The following PTPRD variants were observed in gnomAD, a reference collection of about 807,000 sequenced individuals.
PTPRD encodes protein tyrosine phosphatase receptor type D, also known as receptor-type tyrosine-protein phosphatase delta.
Under a neutral mutation model 214.5 loss-of-function variants are expected in PTPRD, and 34 were observed. The observed-to-expected ratio is 0.16, with a 90% CI of 0.12 to 0.21. The LOEUF (loss-of-function observed/expected upper bound fraction) is 0.21. Among genes scored for constraint, PTPRD ranks in the 10% least tolerant of loss-of-function variants. PTPRD has a pLI of 1.00. For synonymous variants in PTPRD, 1,128 were observed against 845.7 expected (o/e 1.33, Z -5.79); for missense variants, 2,545 against 2,398.7 (o/e 1.06, Z -1.27).
chr9:8,972,925 C>T (rs2381933), intron 11 of PTPRD, among the ~76,000 whole-genome samples: 77,701 of 150,912 alleles, frequency 0.51, 20,353 homozygotes, highest in East Asian at 0.76. Flanking sequence ...GTTTTAGAGA[C>T]GTTTAATAGA....
chr9:9,077,695 TG>T (rs1569531251), intron 10 of PTPRD, among the ~76,000 whole-genome samples: 1 of 152,000 alleles, frequency 6.6e-6, no homozygotes. Context: ...ATCACTTTAC[TG>T]GGGGAGGGAG....
chr9:9,915,186 C>A (rs4461956), intron 5 of PTPRD, among the ~76,000 whole-genome samples: 91,749 of 151,930 alleles, frequency 0.6, 29,491 homozygotes, highest in Non-Finnish European at 0.74. Flanking sequence ...AATGAAGGCC[C>A]ACACACCCTA....
intron 11 of PTPRD, among the ~76,000 whole-genome samples, chr9:8,996,138 T>A (rs1411796043): frequency 6.6e-6 from 1 of 152,072 alleles, no homozygotes; most frequent in South Asian, 2.1e-4. Flanking sequence ...AGAAGAAAAC[T>A]TAGGTTCTCA....
chr9:9,798,264 G>A (rs944595439), intron 5 of PTPRD, among the ~76,000 whole-genome samples: 2 of 152,170 alleles, frequency 1.3e-5, no homozygotes, highest in South Asian at 2.1e-4. Flanking sequence ...AGGTCAACAA[G>A]GGAAAATCAT....
chr9:10,465,231 T>C (rs535622563), intron 2 of PTPRD, among the ~76,000 whole-genome samples: 8 of 152,242 alleles, frequency 5.3e-5, no homozygotes, highest in East Asian at 1.9e-4. Flanking sequence ...CAACAGACAT[T>C]TGTTTGCTTA....
chr9:10,498,162 G>C (rs1201743850), intron 2 of PTPRD, among the ~76,000 whole-genome samples: 1 of 151,782 alleles, frequency 6.6e-6, no homozygotes, highest in Non-Finnish European at 1.5e-5. Flanking sequence ...TGTTTGTAAT[G>C]AGTAGCAAGA....
At chr9:9,124,809 G>T (rs2099824904) in intron 10 of PTPRD, among the ~76,000 whole-genome samples, 1 of 152,164 alleles carries the variant, frequency 6.6e-6, no homozygotes, top group Non-Finnish European at 1.5e-5. Flanking sequence ...CCACAAAGAA[G>T]TCACAAATCT....
At chr9:8,445,648 C>G (rs567204335) in intron 34 of PTPRD, among the ~76,000 whole-genome samples, 2 of 152,134 alleles carry the variant, frequency 1.3e-5, no homozygotes, top group Non-Finnish European at 2.9e-5. Context: ...GACTGTTTAT[C>G]CTGAATCTAG....
chr9:10,045,644 C>T (rs934457396), intron 3 of PTPRD, among the ~76,000 whole-genome samples: 3 of 151,542 alleles, frequency 2.0e-5, no homozygotes, highest in African/African-American at 7.3e-5. Context: ...AGCTAATATA[C>T]TCTTAAGATC....
intron 9 of PTPRD, among the ~76,000 whole-genome samples, chr9:9,284,700 G>T (rs1459727404): frequency 6.6e-6 from 1 of 151,722 alleles, no homozygotes; most frequent in Admixed American, 6.6e-5. Context: ...AATGAAGACA[G>T]CCTTTTAGAG....
chr9:9,451,891 G>C (rs530116627), intron 8 of PTPRD, among the ~76,000 whole-genome samples: 5 of 151,474 alleles, frequency 3.3e-5, no homozygotes, highest in African/African-American at 1.2e-4. Context: ...ATTACAGAGA[G>C]AAGAGGAGAT....
At chr9:9,736,955 T>C (rs1207513511) in intron 6 of PTPRD, among the ~76,000 whole-genome samples, 2 of 152,058 alleles carry the variant, frequency 1.3e-5, no homozygotes, top group Non-Finnish European at 2.9e-5. Flanking sequence ...TATTGAATCA[T>C]CTTTACTTAT....
intron 3 of PTPRD, among the ~76,000 whole-genome samples, chr9:10,297,093 A>G (rs1241008660): frequency 6.8e-6 from 1 of 146,682 alleles, no homozygotes; most frequent in Non-Finnish European, 1.5e-5. Context: ...GAAAGTCTGC[A>G]TCAGAAATTT....
At chr9:10,544,068 T>C (rs762152389) in intron 2 of PTPRD, among the ~76,000 whole-genome samples, 14 of 152,136 alleles carry the variant, frequency 9.2e-5, no homozygotes, top group African/African-American at 2.9e-4. Flanking sequence ...CTTAATAACT[T>C]TGAAAAACAA....
In PTPRD at chr9:9,905,188, C is replaced by T. The variant is rs2077262002; in HGVS notation, c.-368+33319G>A. Among the ~76,000 whole-genome samples, 3 of 152,068 alleles carry T rather than the reference C, an allele frequency of 2.0e-5. No individual in the cohort carries two copies. In the South Asian group the frequency reaches 6.2e-4, roughly 32 times the overall value. ...TCAAAGTTCTTTCTAGACCATTACA[C>T]ATACGTATGTATGTTTGTATCTACA... On this transcript the variant is annotated intron_variant, in intron 5 of 45. Coordinates refer to ENST00000381196, the MANE Select transcript of PTPRD (RefSeq NM_002839.4).
At chr9:9,146,448 T>C (rs1394945283) in intron 10 of PTPRD, among the ~76,000 whole-genome samples, 3 of 152,124 alleles carry the variant, frequency 2.0e-5, no homozygotes, top group Non-Finnish European at 4.4e-5. Flanking sequence ...GTCTGCCTTT[T>C]AATAAAAACC....
At chr9:8,718,422 T>C (rs1454037423) in intron 12 of PTPRD, among the ~76,000 whole-genome samples, 1 of 152,194 alleles carries the variant, frequency 6.6e-6, no homozygotes, top group Non-Finnish European at 1.5e-5. Flanking sequence ...GAAGTATGTG[T>C]TGTTCAGTTG....
chr9:8,948,436 TTTAC>T (rs1289458936), intron 11 of PTPRD, among the ~76,000 whole-genome samples: 1 of 15,568 alleles, frequency 6.4e-5, no homozygotes, highest in African/African-American at 1.3e-4. Flanking sequence ...TATATATATA[TTTAC>T]ATATATATAT....
intron 8 of PTPRD, among the ~76,000 whole-genome samples, chr9:9,467,789 T>A (rs1055446443): frequency 3.3e-5 from 5 of 152,094 alleles, no homozygotes; most frequent in African/African-American, 1.2e-4. Context: ...ATAGTATATT[T>A]TTCCTTTAAT....
Sources: gnomAD v4.1 joint callset for allele counts (sites outside exome capture counted in the v4.1 genomes callset) on GRCh38, gnomAD v4.1.1 for gene constraint, MANE v1.5 for transcripts, NCBI Gene and HGNC (gene_info 2026-07-23, HGNC 2026-07-21) for gene names.